PDE7B: variants seen among roughly 807,000 people sequenced by gnomAD.
The protein encoded by PDE7B is phosphodiesterase 7B.
In PDE7B, 29 loss-of-function variants were observed where a neutral mutation model predicts 56.2. That is an observed-to-expected ratio of 0.52 (90% CI 0.38 to 0.70). PDE7B has a LOEUF of 0.70. Among genes scored for constraint, PDE7B ranks in the 30% least tolerant of loss-of-function variants. PDE7B has a pLI of 0.00. For synonymous variants in PDE7B, 197 were observed against 196.9 expected (o/e 1.00, Z 0.00); for missense variants, 490 against 565.0 (o/e 0.87, Z 1.35).
rs199928248 is a variant in PDE7B, at chr6:135,904,456, C to CA, written c.22-43006dup. Among the ~76,000 whole-genome samples the CA allele has an allele frequency of 2.1e-3, 320 of 152,280 alleles. 2 individuals are homozygous for CA. The East Asian group carries it at 0.025, about 12-fold the overall frequency. ...AATTCCATTACCTTCCACGCCACCA[C>CA]AACCCCTTGAAAACCCAGAAATACT... On this transcript the variant is annotated intron_variant, in intron 1 of 12. Coordinates refer to ENST00000308191, the MANE Select transcript of PDE7B (RefSeq NM_018945.4).
At chr6:136,135,517 CT>C (rs1291935331) in intron 3 of PDE7B, among the ~76,000 whole-genome samples, 1 of 151,812 alleles carries the variant, frequency 6.6e-6, no homozygotes, top group Non-Finnish European at 1.5e-5. Flanking sequence ...GTGAGGAAAT[CT>C]CCACACTTGA....
chr6:135,991,612 T>G (rs1775480282), intron 2 of PDE7B, among the ~76,000 whole-genome samples: 1 of 152,216 alleles, frequency 6.6e-6, no homozygotes, highest in African/African-American at 2.4e-5. Context: ...TTAGTATTGT[T>G]ATATATTTAT....
intron 2 of PDE7B, among the ~76,000 whole-genome samples, chr6:136,008,641 A>G (rs1047079252): frequency 2.0e-5 from 3 of 152,198 alleles, no homozygotes; most frequent in Non-Finnish European, 4.4e-5. Flanking sequence ...TCTTTTGAGA[A>G]GTGTCTGTTC....
chr6:136,167,769 T>C (rs1778818247), intron 8 of PDE7B, among the ~76,000 whole-genome samples: 1 of 152,190 alleles, frequency 6.6e-6, no homozygotes, highest in Non-Finnish European at 1.5e-5. Context: ...AGTAATTTGT[T>C]CTCTTACTTA....
chr6:135,910,770 C>A (rs1776198001), intron 1 of PDE7B, among the ~76,000 whole-genome samples: 1 of 152,170 alleles, frequency 6.6e-6, no homozygotes, highest in South Asian at 2.1e-4. Flanking sequence ...CACCCACTAC[C>A]TTCACCACCC....
chr6:136,159,211 G>T (rs1778662751), intron 8 of PDE7B, among the ~76,000 whole-genome samples: 1 of 152,156 alleles, frequency 6.6e-6, no homozygotes, highest in Non-Finnish European at 1.5e-5. Flanking sequence ...ACCCAGCCAG[G>T]AGGAATATTC....
chr6:135,956,431 T>C (rs1433107447), intron 2 of PDE7B, among the ~76,000 whole-genome samples: 1 of 151,846 alleles, frequency 6.6e-6, no homozygotes, highest in African/African-American at 2.4e-5. Flanking sequence ...TGGGGTGAGG[T>C]GGGTAGTGTG....
chr6:135,966,372 A>G (rs1191125801), intron 2 of PDE7B, among the ~76,000 whole-genome samples: 1 of 152,210 alleles, frequency 6.6e-6, no homozygotes, highest in Non-Finnish European at 1.5e-5. Context: ...TCAGGAAACT[A>G]GTTTTACTAA....
In PDE7B at chr6:136,091,510, A is replaced by C. The variant is rs562915994; in HGVS notation, c.83-17221A>C. 3.6e-4 allele frequency among the ~76,000 whole-genome samples: 55 copies of C among 152,314 alleles called. 1 individual carries two copies. The highest frequency in any genetic ancestry group is 3.1e-3 in the South Asian group (15 of 4,828). On this transcript the variant is annotated intron_variant, in intron 2 of 12. Transcript: ENST00000308191. ...TAAATAACGGTTCCCTTTTTCTACTAACTCTTACTATAAAGTTTCCATGAC... is the reference window on the plus strand; with the variant it reads ...TAAATAACGGTTCCCTTTTTCTACTCACTCTTACTATAAAGTTTCCATGAC...
intron 3 of PDE7B, among the ~76,000 whole-genome samples, chr6:136,115,548 CAT>C (rs1777816719): frequency 6.6e-6 from 1 of 152,270 alleles, no homozygotes; most frequent in East Asian, 1.9e-4. Context: ...TGAGAAAAAA[CAT>C]ATTCAAAAAG....
intron 2 of PDE7B, among the ~76,000 whole-genome samples, chr6:136,048,469 G>A (rs777967891): frequency 7.2e-5 from 11 of 152,204 alleles, no homozygotes; most frequent in East Asian, 3.9e-4. Context: ...GCAGTGAGCC[G>A]AGATTGTGCC....
At chr6:135,990,890 A>G (rs1323905857) in intron 2 of PDE7B, among the ~76,000 whole-genome samples, 3 of 152,240 alleles carry the variant, frequency 2.0e-5, no homozygotes, top group African/African-American at 7.2e-5. Flanking sequence ...TGGGCAGAGC[A>G]GCCCTGAAGG....
At chr6:136,187,167 CA>C (rs779721955) in intron 12 of PDE7B, 51 bp downstream of exon 12, 1 of 880,788 alleles carries the variant, frequency 1.1e-6, no homozygotes, top group Non-Finnish European at 1.9e-6. Flanking sequence ...GCACATCTCA[CA>C]AAAGTGACAA....
At chr6:136,172,435 T>G (rs537977628) in intron 8 of PDE7B, among the ~76,000 whole-genome samples, 1 of 152,238 alleles carries the variant, frequency 6.6e-6, no homozygotes, top group African/African-American at 2.4e-5. Context: ...ATAAATGTCT[T>G]CCTTTGAGAC....
chr6:136,090,711 G>T (rs1343271980), intron 2 of PDE7B, among the ~76,000 whole-genome samples: 2 of 152,108 alleles, frequency 1.3e-5, no homozygotes, highest in Non-Finnish European at 2.9e-5. Flanking sequence ...CTTGGGTTTT[G>T]TTAAACAACC....
At chr6:136,090,432 G>A (rs1430677760) in intron 2 of PDE7B, among the ~76,000 whole-genome samples, 1 of 152,162 alleles carries the variant, frequency 6.6e-6, no homozygotes, top group African/African-American at 2.4e-5. Context: ...ATTAAAATAG[G>A]CTTTGCATCA....
chr6:136,088,020 T>G (rs1777321107), intron 2 of PDE7B, among the ~76,000 whole-genome samples: 1 of 152,176 alleles, frequency 6.6e-6, no homozygotes, highest in African/African-American at 2.4e-5. Flanking sequence ...GAGTGGACAA[T>G]CAGTGGCAAA....
At chr6:135,988,777 T>C (rs908350349) in intron 2 of PDE7B, among the ~76,000 whole-genome samples, 8 of 152,208 alleles carry the variant, frequency 5.3e-5, no homozygotes, top group African/African-American at 1.9e-4. Context: ...AGTTTTGTTG[T>C]CACTGTTGCT....
chr6:136,024,125 T>A (rs1229208486), intron 2 of PDE7B, among the ~76,000 whole-genome samples: 1 of 152,324 alleles, frequency 6.6e-6, no homozygotes, highest in Admixed American at 6.5e-5. Flanking sequence ...TCTAGAGATT[T>A]AGGGAGAAAC....
Sources: gnomAD v4.1 joint callset for allele counts (sites outside exome capture counted in the v4.1 genomes callset) on GRCh38, gnomAD v4.1.1 for gene constraint, MANE v1.5 for transcripts, NCBI Gene and HGNC (gene_info 2026-07-23, HGNC 2026-07-21) for gene names.